The following CCDC136 variants were observed in gnomAD, a reference collection of about 807,000 sequenced individuals.
The protein encoded by CCDC136 is coiled-coil domain containing 136.
In CCDC136, 100 loss-of-function variants were observed where a neutral mutation model predicts 141.2. The observed-to-expected ratio is 0.71, with a 90% confidence interval of 0.60 to 0.84. The LOEUF (loss-of-function observed/expected upper bound fraction) is 0.84, where lower values mean the gene tolerates loss of function less well. Among genes scored for constraint, CCDC136 ranks in the 40% least tolerant of loss-of-function variants. The probability of loss-of-function intolerance (pLI) is 0.00; values close to 1 mark genes in which losing one functional copy is unlikely to be tolerated. For synonymous variants in CCDC136, 474 were observed against 531.9 expected, an observed-to-expected ratio of 0.89 and a Z score of 1.50; for missense variants, 1,206 against 1,379.4, an observed-to-expected ratio of 0.87 and a Z score of 1.99.
rs1219073215 is a variant in CCDC136, at chr7:128,805,835, G to T, written c.1023G>T (p.Leu341=). 6.2e-7 allele frequency: 1 copy of T among 1,613,866 alleles called. No homozygotes were observed. The highest frequency in any genetic ancestry group is 1.7e-5 in the Admixed American group (1 of 60,004). The change falls in exon 7 of 18, where the codon CTG becomes CTT. Residue 341 remains leucine (L), a synonymous_variant. Coordinates refer to ENST00000297788, the MANE Select transcript of CCDC136 (RefSeq NM_022742.5). This position sits in a 1 kb window ranked among gnomAD's most constrained non-coding sequence, Gnocchi z 4.6. ...RQVSEEEQRR[L]QRELKCAQNE... ...TCAGTGAGGAGGAGCAGAGGCGGCT[G>T]CAGAGGGAGCTCAAGTGTGCTCAGA...
At position 128,817,464 on chromosome 7, in the gene CCDC136, A is replaced by G. The variant is rs1200702723; in HGVS notation, c.3364-294A>G. On this transcript the variant is annotated intron_variant, in intron 16 of 17. Transcript: ENST00000297788. This position sits in a 1 kb window ranked among gnomAD's most constrained non-coding sequence, Gnocchi z 4.6. ...ATGCAGATACCTCCTGCTTGACAGG[A>G]TATGAGAGGTATGTGACGAGACAGA... Among the ~76,000 whole-genome samples the G allele has an allele frequency of 6.6e-6, 1 of 152,070 alleles. No individual in the cohort carries two copies. The highest frequency in any genetic ancestry group is 2.4e-5 in the African/African-American group (1 of 41,412).
At chr7:128,818,723 CA>C (rs1393410138) in intron 17 of CCDC136, among the ~76,000 whole-genome samples, 1 of 152,148 alleles carries the variant, frequency 6.6e-6, no homozygotes, top group Non-Finnish European at 1.5e-5. Context: ...ATGTAATGTA[CA>C]CTGTCAACAG....
intron 17 of CCDC136, chr7:128,818,066 T>C: frequency 3.7e-6 from 2 of 547,284 alleles, no homozygotes. Context: ...GTCTTCGTAA[T>C]GCATAGGAGG....
rs541957556 is a variant in CCDC136 at position 128,810,930 on chromosome 7, C to T, written c.2028+564C>T. Among the ~76,000 whole-genome samples the T allele has an allele frequency of 3.3e-5, 5 of 152,290 alleles. No homozygotes were observed. In the East Asian group the frequency reaches 9.6e-4, roughly 29 times the overall value. On this transcript the variant is annotated intron_variant, in intron 12 of 17. Transcript: ENST00000297788. Reference sequence around the variant, plus strand: ...TGGTGGCAGTAACAGAGCAAGGTCACAGGGGTTAGACCAGAAAATTGATGC... The same window carrying T: ...TGGTGGCAGTAACAGAGCAAGGTCATAGGGGTTAGACCAGAAAATTGATGC...
intron 17 of CCDC136, 189 bp downstream of exon 17, chr7:128,818,053 C>CATGT: frequency 3.5e-6 from 2 of 576,348 alleles, no homozygotes; most frequent in Non-Finnish European, 6.2e-6. Context: ...CATCTCTGAG[C>CATGT]ATGTCTTCGT....
chr7:128,816,485 G>A (rs1269597156), intron 16 of CCDC136, among the ~76,000 whole-genome samples: 1 of 152,166 alleles, frequency 6.6e-6, no homozygotes, highest in East Asian at 1.9e-4. Context: ...AAGTGATCAA[G>A]AGTGATAGTG....
upstream of CCDC136, chr7:128,791,401 C>A: frequency 2.3e-6 from 2 of 864,324 alleles, no homozygotes; most frequent in Non-Finnish European, 3.1e-6. The surrounding 1 kb of genome is among the most constrained non-coding windows in gnomAD (Gnocchi z 7.1). Flanking sequence ...CCCTCGTCCG[C>A]CCTCCCTCCC....
chr7:128,809,432 A>ACCCCCCCCCCCCCCCCC lies in CCDC136; in HGVS notation c.1606-15_1606-14insCCCCCCCCCCCCCCCCC. ...CTTACAGAGTAACCACCCCCTCCAC[A>ACCCCCCCCCCCCCCCCC]CCCGCCCCCACCCACAGTGTGACAC... On this transcript the variant is annotated splice_polypyrimidine_tract_variant and intron_variant, in intron 10 of 17. Coordinates refer to ENST00000297788, the MANE Select transcript of CCDC136 (RefSeq NM_022742.5). The ACCCCCCCCCCCCCCCCC allele has an allele frequency of 1.6e-6, 2 of 1,253,182 alleles. No individual in the cohort carries two copies. The highest frequency in any genetic ancestry group is 2.2e-6 in the Non-Finnish European group (2 of 898,220). 77.6% of individuals were successfully genotyped at this position (1,253,182 alleles called of 1,614,324 possible). A position where few individuals can be genotyped will look rare whatever the true frequency, so the allele number is the denominator to read the frequency against.
In CCDC136 at chr7:128,808,696, C is replaced by T. The variant is rs1050024704; in HGVS notation, c.1606-754C>T. 3 of 985,334 alleles carry T rather than the reference C, an allele frequency of 3.0e-6. No individual in the cohort carries two copies. The Admixed American group carries it at 1.8e-4, about 61-fold the overall frequency. 61.0% of individuals were successfully genotyped at this position (985,334 alleles called of 1,614,324 possible). A position where few individuals can be genotyped will look rare whatever the true frequency, so the allele number is the denominator to read the frequency against. On this transcript the variant is annotated intron_variant, in intron 10 of 17. Transcript: ENST00000297788. The stretch of plus-strand genomic sequence containing the variant: ...AGGTTATTTGGGCCACCTCAGCAGT[C>T]TCTTTGCCTTTCTATATCCAGGCTC...
intron 3 of CCDC136, among the ~76,000 whole-genome samples, chr7:128,796,748 T>A (rs1242855426): frequency 7.6e-5 from 10 of 132,038 alleles, no homozygotes; most frequent in African/African-American, 2.5e-4. Context: ...TATTCTTTTT[T>A]TTTTTTTTTT....
At chr7:128,799,437 C>T (rs1412886216) in intron 3 of CCDC136, among the ~76,000 whole-genome samples, 1 of 151,776 alleles carries the variant, frequency 6.6e-6, no homozygotes, top group Admixed American at 6.6e-5. Flanking sequence ...GAACTGCTGC[C>T]TTACTTATGC....
chr7:128,821,731 A>C lies in CCDC136; in HGVS notation c.*6-68A>C, dbSNP rs1807461505. The C allele has an allele frequency of 8.1e-7, 1 of 1,232,858 alleles. No homozygotes were observed. The highest frequency in any genetic ancestry group is 1.5e-5 in the African/African-American group (1 of 64,768). 76.4% of individuals were successfully genotyped at this position (1,232,858 alleles called of 1,614,324 possible). A position where few individuals can be genotyped will look rare whatever the true frequency, so the allele number is the denominator to read the frequency against. On this transcript the variant is annotated intron_variant, in intron 17 of 17. Coordinates refer to ENST00000297788, the MANE Select transcript of CCDC136 (RefSeq NM_022742.5). This position sits in a 1 kb window ranked among gnomAD's most constrained non-coding sequence, Gnocchi z 5.1. ...TGAGGTGTCTTGGGCACCCATAGGC[A>C]GGTGACTTCTGGCTTAGGGCAGGGT...
chr7:128,806,997 T>C (rs1804960586), intron 9 of CCDC136, 139 bp downstream of exon 9: 4 of 769,050 alleles, frequency 5.2e-6, no homozygotes, highest in Non-Finnish European at 7.8e-6. Context: ...AGGAGAAAGG[T>C]GACCTCGGGG....
chr7:128,798,959 C>A lies in CCDC136; in HGVS notation c.347-2227C>A, dbSNP rs77484113. Among the ~76,000 whole-genome samples, 1,123 of 150,840 alleles carry A rather than the reference C, an allele frequency of 7.4e-3. 9 individuals are homozygous for A. Among genetic ancestry groups the A allele is most frequent in the South Asian group, 0.031 (149 of 4,760 alleles). On this transcript the variant is annotated intron_variant, in intron 3 of 17. Transcript: ENST00000297788. ...GCAGGGTAGATCTTCCCCTGAGATG[C>A]CCTCACCACTCAGCATCTATCTATG...
chr7:128,804,068 G>A (rs191927002), intron 4 of CCDC136, among the ~76,000 whole-genome samples: 32 of 152,194 alleles, frequency 2.1e-4, no homozygotes, highest in African/African-American at 7.2e-4. Context: ...TGCCCACCTC[G>A]GCCTCCCAAA....
rs1017556292 is a variant in CCDC136 at position 128,817,419 on chromosome 7, A to G, written c.3364-339A>G. On this transcript the variant is annotated intron_variant, in intron 16 of 17. Coordinates refer to ENST00000297788, the MANE Select transcript of CCDC136 (RefSeq NM_022742.5). The surrounding 1 kb of genome is among the most constrained non-coding windows in gnomAD (Gnocchi z 4.6). ...GGCTCTTCCTAGAGTGACCTAGGAAAAGTCACAAGAAAGGTCTAGATGCAG... is the reference window on the plus strand; with the variant it reads ...GGCTCTTCCTAGAGTGACCTAGGAAGAGTCACAAGAAAGGTCTAGATGCAG... Among the ~76,000 whole-genome samples, 4 of 152,166 alleles carry G rather than the reference A, an allele frequency of 2.6e-5. No individual in the cohort carries two copies. Among genetic ancestry groups the G allele is most frequent in the African/African-American group, 9.7e-5 (4 of 41,442 alleles).
chr7:128,791,513 C>T (rs1284333394), upstream of CCDC136: 16 of 1,294,956 alleles, frequency 1.2e-5, no homozygotes, highest in Non-Finnish European at 9.7e-6. The surrounding 1 kb of genome is among the most constrained non-coding windows in gnomAD (Gnocchi z 7.1). Context: ...GGCGCCGGAG[C>T]CGGCGCGGGA....
Position 128,794,295 on chromosome 7 carries a change from C to A in CCDC136, c.17-53C>A, listed in dbSNP as rs751657355. ...AGTGAGTTTGAGGGCCCTGGAAGGA[C>A]GGCAGAAAGGAAGTTGATGCTGACT... is the stretch of plus-strand genomic sequence containing the variant. On this transcript the variant is annotated intron_variant, in intron 1 of 17. Coordinates refer to ENST00000297788, the MANE Select transcript of CCDC136 (RefSeq NM_022742.5). This position sits in a 1 kb window ranked among gnomAD's most constrained non-coding sequence, Gnocchi z 4.3. The A allele has an allele frequency of 1.3e-6, 2 of 1,550,714 alleles. No homozygotes were observed. Among genetic ancestry groups the A allele is most frequent in the South Asian group, 2.4e-5 (2 of 83,696 alleles).
intron 15 of CCDC136, among the ~76,000 whole-genome samples, chr7:128,815,289 A>G (rs138387449): frequency 9.2e-5 from 14 of 152,340 alleles, no homozygotes; most frequent in African/African-American, 3.1e-4. Context: ...GTAGTTATGT[A>G]CTAATAAGTG....
Sources: allele counts gnomAD v4.1 joint callset (sites outside exome capture counted in the v4.1 genomes callset), GRCh38; gene constraint gnomAD v4.1.1; non-coding constraint Gnocchi (gnomAD v3.1); transcripts MANE v1.5; gene names NCBI Gene and HGNC (gene_info 2026-07-23, HGNC 2026-07-21).